The following SGCB variants were observed in gnomAD, a reference collection of about 807,000 sequenced individuals.
SGCB encodes the protein sarcoglycan beta, also known as beta-sarcoglycan.
A neutral mutation model predicts 27.3 loss-of-function variants in SGCB; 25 were observed. The ratio of observed to expected loss-of-function variants is 0.92; its 90% confidence interval spans 0.67 to 1.28. SGCB has a LOEUF of 1.28. SGCB is among the 50% of genes most tolerant of loss of function. The probability of loss-of-function intolerance (pLI) is 0.00; values close to 1 mark genes in which losing one functional copy is unlikely to be tolerated. For missense variants in SGCB, 436 were observed against 402.1 expected (o/e 1.08, Z -0.72); for synonymous variants, 147 against 133.5 (o/e 1.10, Z -0.70).
intron 2 of SGCB, among the ~76,000 whole-genome samples, chr4:52,031,447 T>C (rs942772575): frequency 1.4e-5 from 2 of 142,260 alleles, no homozygotes; most frequent in African/African-American, 5.3e-5. Context: ...TGTGTGTGTG[T>C]GTGCACGCGC....
intron 1 of SGCB, among the ~76,000 whole-genome samples, chr4:52,034,622 C>T (rs1312740787): frequency 1.3e-5 from 2 of 151,880 alleles, no homozygotes; most frequent in African/African-American, 4.8e-5. Context: ...ACCAATCCCC[C>T]ATAGATATTG....
intron 4 of SGCB, 69 bp downstream of exon 4, chr4:52,028,661 T>C: frequency 8.2e-7 from 1 of 1,217,194 alleles, no homozygotes. Context: ...ACAGTATAAC[T>C]CTCTTCCCAC....
intron 1 of SGCB, 131 bp from the exon 2 acceptor site, chr4:52,033,771 A>C: frequency 2.7e-6 from 2 of 739,524 alleles, no homozygotes; most frequent in Non-Finnish European, 4.8e-6. Context: ...TAAACTGCAA[A>C]TCACATTGAG....
chr4:52,028,529 G>C (rs1341969840), intron 4 of SGCB, among the ~76,000 whole-genome samples: 1 of 152,062 alleles, frequency 6.6e-6, no homozygotes, highest in Non-Finnish European at 1.5e-5. Flanking sequence ...CCAGCTACAC[G>C]GGAGGCTGAG....
chr4:52,033,815 GAAGGA>G (rs1331249022), intron 1 of SGCB, among the ~76,000 whole-genome samples, 175 bp from the exon 2 acceptor site: 1 of 152,124 alleles, frequency 6.6e-6, no homozygotes, highest in African/African-American at 2.4e-5. Flanking sequence ...ACTGTGCTTA[GAAGGA>G]AAGTACAGAA....
chr4:52,026,460 T>C (rs1737099721), intron 5 of SGCB, among the ~76,000 whole-genome samples: 2 of 152,148 alleles, frequency 1.3e-5, no homozygotes, highest in South Asian at 4.1e-4. Flanking sequence ...GGTTTCGCCA[T>C]GTTGGCCAGG....
At chr4:52,036,602 C>T (rs1205172746) in intron 1 of SGCB, among the ~76,000 whole-genome samples, 1 of 152,114 alleles carries the variant, frequency 6.6e-6, no homozygotes, top group African/African-American at 2.4e-5. Flanking sequence ...GAGGTACTGA[C>T]TGAGGTTTGA....
intron 2 of SGCB, among the ~76,000 whole-genome samples, chr4:52,032,417 T>G (rs919092129): frequency 6.6e-6 from 1 of 152,206 alleles, no homozygotes; most frequent in African/African-American, 2.4e-5. Context: ...GCTTCCGACT[T>G]TCTTCAAAGA....
intron 5 of SGCB, among the ~76,000 whole-genome samples, chr4:52,025,730 A>T (rs941414107): frequency 6.6e-6 from 1 of 152,230 alleles, no homozygotes; most frequent in East Asian, 1.9e-4. Flanking sequence ...GGAAGTAAGA[A>T]GATCAGCCAG....
chr4:52,024,306 A>G (rs1737030727), intron 5 of SGCB, 146 bp from the exon 6 acceptor site: 1 of 656,708 alleles, frequency 1.5e-6, no homozygotes. Context: ...CAGCAACAAT[A>G]AAAAACAAAA....
chr4:52,028,162 A>T (rs1454793020), intron 4 of SGCB, 63 bp from the exon 5 acceptor site: 1 of 1,316,932 alleles, frequency 7.6e-7, no homozygotes, highest in East Asian at 2.3e-5. Flanking sequence ...TTGTTATCAG[A>T]GATAGAGAAA....
At chr4:52,032,618 T>G (rs1176469469) in intron 2 of SGCB, among the ~76,000 whole-genome samples, 4 of 152,190 alleles carry the variant, frequency 2.6e-5, no homozygotes, top group African/African-American at 9.7e-5. Flanking sequence ...GTCTTTCTGA[T>G]TTGAGTGAAG....
chr4:52,026,024 G>A (rs1187783346), intron 5 of SGCB, among the ~76,000 whole-genome samples: 3 of 152,134 alleles, frequency 2.0e-5, no homozygotes, highest in Admixed American at 1.3e-4. Flanking sequence ...TTAGTTCAGA[G>A]GAGAGGTTAA....
intron 5 of SGCB, among the ~76,000 whole-genome samples, chr4:52,024,523 C>G (rs1219015152): frequency 6.6e-6 from 1 of 152,070 alleles, no homozygotes; most frequent in African/African-American, 2.4e-5. Flanking sequence ...AGTTTGTGAT[C>G]ATGAGTACAA....
intron 1 of SGCB, 133 bp downstream of exon 1, chr4:52,038,094 C>CCCAAA: frequency 4.5e-6 from 2 of 446,342 alleles, no homozygotes; most frequent in Non-Finnish European, 6.0e-6. Context: ...CGCCCCGCCC[C>CCCAAA]GATCGGCCCC....
rs930561365 is a variant in SGCB at position 52,022,681 on chromosome 4, A to G, written c.*1276T>C. On this transcript the variant is annotated 3_prime_UTR_variant, in exon 6 of 6. Transcript: ENST00000381431. ...GTACTTACTAGGCCATGCCTGGCCC[A>G]AAGAACTTGTTTGGGTCTATGGCCT... The G allele has an allele frequency of 6.6e-6, 1 of 152,176 alleles. No homozygotes were observed. The highest frequency in any genetic ancestry group is 1.9e-4 in the East Asian group (1 of 5,190). 9.4% of individuals were successfully genotyped at this position (152,176 alleles called of 1,614,324 possible). A position where few individuals can be genotyped will look rare whatever the true frequency, so the allele number is the denominator to read the frequency against.
chr4:52,023,838 C>A lies in SGCB; in HGVS notation c.*119G>T, dbSNP rs1050318145. 1 of 779,190 alleles carries A rather than the reference C, an allele frequency of 1.3e-6. No individual in the cohort carries two copies. The highest frequency in any genetic ancestry group is 2.5e-5 in the East Asian group (1 of 39,258). 48.3% of individuals were successfully genotyped at this position (779,190 alleles called of 1,614,324 possible). A position where few individuals can be genotyped will look rare whatever the true frequency, so the allele number is the denominator to read the frequency against. On this transcript the variant is annotated 3_prime_UTR_variant, in exon 6 of 6. Transcript: ENST00000381431. ...AACTATGTAGACCATAAAACAGATA[C>A]AGCAGTGCTCTGCCATTAAAATAAT...
At chr4:52,037,892 A>C (rs1044220279) in intron 1 of SGCB, among the ~76,000 whole-genome samples, 1 of 152,172 alleles carries the variant, frequency 6.6e-6, no homozygotes, top group Non-Finnish European at 1.5e-5. Flanking sequence ...CTGGCGGCTG[A>C]ACGGGGTACG....
rs2109376000 is a variant in SGCB, at chr4:52,033,563, G to A, written c.111C>T (p.Asn37=). ...GAATGTATCCAGCTTTAAAGTTACT[G>A]TTGTGCTCTTTATTGACACTCCTTC... The part of the protein sequence containing the change: ...VERRSVNKEH[N]SNFKAGYIPI... The change falls in exon 2 of 6, where the codon AAC becomes AAT. Residue 37 remains asparagine (N), a synonymous_variant. Coordinates refer to ENST00000381431, the MANE Select transcript of SGCB (RefSeq NM_000232.5). 6.2e-7 allele frequency: 1 copy of A among 1,613,622 alleles called. No homozygotes were observed. The highest frequency in any genetic ancestry group is 1.1e-5 in the South Asian group (1 of 91,064).
Sources: allele counts gnomAD v4.1 joint callset (sites outside exome capture counted in the v4.1 genomes callset), GRCh38; gene constraint gnomAD v4.1.1; transcripts MANE v1.5; gene names NCBI Gene and HGNC (gene_info 2026-07-23, HGNC 2026-07-21).